CBX2: variants seen among roughly 807,000 people sequenced by gnomAD.
CBX2 encodes chromobox 2, also known as chromobox protein homolog 2.
CBX2 carries 11 observed loss-of-function variants against 21.0 expected under a neutral mutation model. That is an observed-to-expected ratio of 0.52 (90% CI 0.33 to 0.87). The LOEUF is 0.87. Among genes scored for constraint, CBX2 ranks in the 40% least tolerant of loss-of-function variants. The pLI is 0.02. For missense variants in CBX2, 746 were observed against 724.3 expected (o/e 1.03, Z -0.34); for synonymous variants, 364 against 304.6 (o/e 1.19, Z -2.03).
intron 4 of CBX2, among the ~76,000 whole-genome samples, chr17:79,783,410 CTTTTT>C (rs67444092): frequency 7.1e-6 from 1 of 140,644 alleles, no homozygotes; most frequent in Non-Finnish European, 1.6e-5. Flanking sequence ...TCTCCTTTAT[CTTTTT>C]TTTTTTTTTT....
At chr17:79,782,192 GA>G (rs1907275161) in intron 4 of CBX2, 1 of 1,611,764 alleles carries the variant, frequency 6.2e-7, no homozygotes, top group Admixed American at 1.7e-5. Context: ...AAAAGCCTAA[GA>G]TTTGGGGGCT....
rs1282504375 is a variant in CBX2, at chr17:79,783,711, A to G, written c.289-21A>G. The stretch of plus-strand genomic sequence containing the variant: ...AGGCGTGAGCCACTGCACCCAGCCA[A>G]CTTCTCCTTTATCTTTCCAGGAACC... On this transcript the variant is annotated intron_variant, in intron 4 of 4. Transcript: ENST00000310942. 8 of 1,549,914 alleles carry G rather than the reference A, an allele frequency of 5.2e-6. No individual in the cohort carries two copies. The East Asian group carries it at 1.2e-4, about 24-fold the overall frequency.
chr17:79,777,977 G>C (rs1264158336), upstream of CBX2, among the ~76,000 whole-genome samples: 1 of 142,646 alleles, frequency 7.0e-6, no homozygotes, highest in African/African-American at 2.5e-5. Context: ...GCCGGAGCGC[G>C]AGGCCCAGCC....
rs1000337948 is a variant in CBX2 at position 79,778,934 on chromosome 17, C to T, written c.117-428C>T. Among the ~76,000 whole-genome samples, 7 of 152,220 alleles carry T rather than the reference C, an allele frequency of 4.6e-5. No homozygotes were observed. Among genetic ancestry groups the T allele is most frequent in the Non-Finnish European group, 1.0e-4 (7 of 68,036 alleles). ...TTCTTCGCTACCCCTCGAGGTGCCC[C>T]GGCCCGCGCGCCACATTGTTCTGGA... On this transcript the variant is annotated intron_variant, in intron 2 of 4. Transcript: ENST00000310942. This position sits in a 1 kb window ranked among gnomAD's most constrained non-coding sequence, Gnocchi z 4.8.
Position 79,778,471 on chromosome 17 carries a change from C to A in CBX2, c.116+44C>A. ...CGCGCCCCCCTCCCGCCCCCTCGCC[C>A]GGGGGTGGGGACGTGGAGCCCCTCG... is the stretch of plus-strand genomic sequence containing the variant. On this transcript the variant is annotated intron_variant, in intron 2 of 4. Coordinates refer to ENST00000310942, the MANE Select transcript of CBX2 (RefSeq NM_005189.3). This position sits in a 1 kb window ranked among gnomAD's most constrained non-coding sequence, Gnocchi z 4.8. The A allele has an allele frequency of 3.7e-6, 5 of 1,342,182 alleles. No homozygotes were observed. The highest frequency in any genetic ancestry group is 4.0e-6 in the Non-Finnish European group (4 of 991,734). 83.1% of individuals were successfully genotyped at this position (1,342,182 alleles called of 1,614,324 possible).
chr17:79,778,386 C>A lies in CBX2; in HGVS notation c.75C>A (p.Gly25=). 2 of 1,582,400 alleles carry A rather than the reference C, an allele frequency of 1.3e-6. No individual in the cohort carries two copies. The highest frequency in any genetic ancestry group is 1.7e-6 in the Non-Finnish European group (2 of 1,169,428). ...ECILSKRLRK[G]KLEYLVKWRG... ...CGGCCCCTCTTCTCTCCCCGCAGGGCAAGCTGGAGTACCTGGTCAAGTGGC... is the reference window on the plus strand; with the variant it reads ...CGGCCCCTCTTCTCTCCCCGCAGGGAAAGCTGGAGTACCTGGTCAAGTGGC... Residue 25 remains glycine, a splice_region_variant and synonymous_variant, in exon 2 of 5, where the codon GGC becomes GGA. Transcript: ENST00000310942. This position sits in a 1 kb window ranked among gnomAD's most constrained non-coding sequence, Gnocchi z 4.8.
chr17:79,781,957 GTC>G (rs1555830421), intron 4 of CBX2, 156 bp downstream of exon 4: 9 of 1,614,172 alleles, frequency 5.6e-6, no homozygotes, highest in Non-Finnish European at 7.6e-6. Context: ...CTTTCTTCCT[GTC>G]TCTCAGCTTC....
At chr17:79,781,968 T>C in intron 4 of CBX2, 167 bp downstream of exon 4, 1 of 1,614,146 alleles carries the variant, frequency 6.2e-7, no homozygotes, top group Non-Finnish European at 8.5e-7. Context: ...TCTCTCAGCT[T>C]CTGCTGCCAG....
At position 79,783,738 on chromosome 17, in the gene CBX2, G is replaced by A. The variant is rs781856331; in HGVS notation, c.295G>A (p.Asp99Asn). Residue 99 changes from aspartate (D) to asparagine (N), a missense_variant, in exon 5 of 5, where the codon GAT becomes AAT. Asp to Asn is a conservative substitution (Grantham distance 23). This residue lies in a region of CBX2 where 701 missense variants were observed against 650.7 expected (regional missense o/e 1.08). Coordinates refer to ENST00000310942, the MANE Select transcript of CBX2 (RefSeq NM_005189.3). ...CSRRSKLKEP[D>N]APSKSKSSSS... The stretch of plus-strand genomic sequence containing the variant: ...TTCTCCTTTATCTTTCCAGGAACCC[G>A]ATGCTCCCTCCAAATCCAAGTCCAG... 2.6e-5 allele frequency: 41 copies of A among 1,551,972 alleles called. No individual in the cohort carries two copies. Among genetic ancestry groups the A allele is most frequent in the Admixed American group, 3.9e-5 (2 of 51,014 alleles).
At chr17:79,782,470 G>A (rs1363452053) in intron 4 of CBX2, 7 of 1,235,520 alleles carry the variant, frequency 5.7e-6, no homozygotes, top group Middle Eastern at 3.4e-4. Flanking sequence ...ACAGGATGGG[G>A]GAGGAGGGCC....
chr17:79,781,550 C>T, intron 3 of CBX2, 146 bp from the exon 4 acceptor site: 1 of 757,826 alleles, frequency 1.3e-6, no homozygotes, highest in Non-Finnish European at 2.4e-6. Context: ...CTGATCTCTG[C>T]CTTGGGTATT....
chr17:79,782,015 C>A (rs782298979), intron 4 of CBX2: 2 of 1,614,110 alleles, frequency 1.2e-6, no homozygotes, highest in Non-Finnish European at 1.7e-6. Flanking sequence ...CCCGCCCCTC[C>A]CAGGGGCTTC....
intron 4 of CBX2, among the ~76,000 whole-genome samples, chr17:79,782,833 C>G (rs1224316816): frequency 6.6e-6 from 1 of 152,144 alleles, no homozygotes; most frequent in African/African-American, 2.4e-5. Flanking sequence ...ACTCCTAAAG[C>G]ACACGCTGTA....
chr17:79,779,678 C>A, intron 3 of CBX2: 1 of 544,244 alleles, frequency 1.8e-6, no homozygotes, highest in Non-Finnish European at 3.3e-6. Flanking sequence ...TTGGTGTTTC[C>A]GACAGCCATA....
rs551178586 is a variant in CBX2 at position 79,778,597 on chromosome 17, G to A, written c.116+170G>A. 1.3e-3 allele frequency among the ~76,000 whole-genome samples: 190 copies of A among 151,596 alleles called. No homozygotes were observed. The highest frequency in any genetic ancestry group is 2.1e-3 in the Non-Finnish European group (144 of 67,750). ...CTCTGAGGGGGGCGGGGGCCGCCCGGCCCGAGGTTGCCCTTTGTTTACACG... is the reference window on the plus strand; with the variant it reads ...CTCTGAGGGGGGCGGGGGCCGCCCGACCCGAGGTTGCCCTTTGTTTACACG... On this transcript the variant is annotated intron_variant, in intron 2 of 4. Coordinates refer to ENST00000310942, the MANE Select transcript of CBX2 (RefSeq NM_005189.3). The surrounding 1 kb of genome is among the most constrained non-coding windows in gnomAD (Gnocchi z 4.8).
At chr17:79,780,283 C>G (rs530864338) in intron 3 of CBX2, among the ~76,000 whole-genome samples, 7 of 152,214 alleles carry the variant, frequency 4.6e-5, no homozygotes, top group African/African-American at 7.2e-5. Flanking sequence ...ACGGTTTGTT[C>G]TCTGGTAGCA....
At position 79,783,111 on chromosome 17, in the gene CBX2, G is replaced by A. The variant is rs188319262; in HGVS notation, c.289-621G>A. Among the ~76,000 whole-genome samples, 741 of 152,318 alleles carry A rather than the reference G, an allele frequency of 4.9e-3. 3 individuals carry two copies. Among genetic ancestry groups the A allele is most frequent in the Non-Finnish European group, 5.4e-3 (368 of 68,026 alleles). Reference sequence around the variant, plus strand: ...CCTTTGAACGTCTGCTCTACAGCCCGGAGCTAAATCTGCATCCCCCTTGAA... The same window carrying A: ...CCTTTGAACGTCTGCTCTACAGCCCAGAGCTAAATCTGCATCCCCCTTGAA... On this transcript the variant is annotated intron_variant, in intron 4 of 4. Transcript: ENST00000310942.
chr17:79,785,102 G>A lies in CBX2; in HGVS notation c.*60G>A. On this transcript the variant is annotated 3_prime_UTR_variant, in exon 5 of 5. Coordinates refer to ENST00000310942, the MANE Select transcript of CBX2 (RefSeq NM_005189.3). ...CCTTCCCTGCCTATGGTGTCGCTTG[G>A]CTAAGTGACTCCCAGCCCAAGCCCC... is the stretch of plus-strand genomic sequence containing the variant. 1 of 1,438,498 alleles carries A rather than the reference G, an allele frequency of 7.0e-7. No homozygotes were observed. The highest frequency in any genetic ancestry group is 2.3e-5 in the East Asian group (1 of 43,952). The allele number at this position is 1,438,498 out of a possible 1,614,324, so 89.1% of individuals were successfully genotyped here. A position where few individuals can be genotyped will look rare whatever the true frequency, so the allele number is the denominator to read the frequency against.
intron 4 of CBX2, among the ~76,000 whole-genome samples, chr17:79,783,077 A>T (rs1907353514): frequency 6.6e-6 from 1 of 152,224 alleles, no homozygotes; most frequent in African/African-American, 2.4e-5. Flanking sequence ...GATGCTCTGG[A>T]TACAGTTCCC....
Sources: gnomAD v4.1 joint callset for allele counts (sites outside exome capture counted in the v4.1 genomes callset) on GRCh38, gnomAD v4.1.1 for gene constraint, gnomAD v4.1.1 regional missense constraint, Gnocchi (gnomAD v3.1) non-coding constraint, MANE v1.5 for transcripts, NCBI Gene and HGNC (gene_info 2026-07-23, HGNC 2026-07-21) for gene names.